The following PLD5 variants were observed in gnomAD, a reference collection of about 807,000 sequenced individuals.
PLD5 encodes inactive phospholipase D5.
In PLD5, 36 loss-of-function variants were observed where a neutral mutation model predicts 61.1. The ratio of observed to expected loss-of-function variants is 0.59; its 90% CI spans 0.45 to 0.78. The LOEUF is 0.78. PLD5 is among the 30% of genes least tolerant of loss of function. The pLI is 0.00. For missense variants in PLD5, 515 were observed against 644.4 expected, an observed-to-expected ratio of 0.80 and a Z score of 2.17; for synonymous variants, 243 against 242.8, an observed-to-expected ratio of 1.00 and a Z score of -0.01.
At chr1:242,372,032 C>A (rs2149247073) in intron 1 of PLD5, among the ~76,000 whole-genome samples, 1 of 152,196 alleles carries the variant, frequency 6.6e-6, no homozygotes, top group African/African-American at 2.4e-5. Context: ...CCCCACACCC[C>A]CGCCCTGACA....
chr1:242,174,801 A>G (rs1282352801), intron 5 of PLD5, among the ~76,000 whole-genome samples: 16 of 152,038 alleles, frequency 1.1e-4, no homozygotes, highest in Non-Finnish European at 5.9e-5. Flanking sequence ...TCACAAGGAC[A>G]AAAAACCAAA....
intron 1 of PLD5, among the ~76,000 whole-genome samples, chr1:242,352,528 T>G (rs1469250558): frequency 6.6e-6 from 1 of 152,220 alleles, no homozygotes; most frequent in East Asian, 1.9e-4. Flanking sequence ...GCAGACATCT[T>G]TTCAACATAC....
chr1:242,524,977 G>C (rs1203128840), upstream of PLD5, among the ~76,000 whole-genome samples: 2 of 152,102 alleles, frequency 1.3e-5, no homozygotes, highest in Non-Finnish European at 2.9e-5. Context: ...CTGGCTGAGC[G>C]CGGGGATGGC....
chr1:242,497,729 A>T (rs2102986255), intron 1 of PLD5, among the ~76,000 whole-genome samples: 1 of 152,358 alleles, frequency 6.6e-6, no homozygotes, highest in South Asian at 2.1e-4. Flanking sequence ...CTGCTCGACA[A>T]ATACAGCTCT....
At chr1:242,097,320 G>A (rs931311891) in intron 9 of PLD5, among the ~76,000 whole-genome samples, 7 of 152,142 alleles carry the variant, frequency 4.6e-5, no homozygotes, top group African/African-American at 7.2e-5. Context: ...TTGAGGAATC[G>A]CCACACTGAG....
At chr1:242,116,129 A>T (rs1356479086) in intron 6 of PLD5, among the ~76,000 whole-genome samples, 1 of 152,216 alleles carries the variant, frequency 6.6e-6, no homozygotes, top group Non-Finnish European at 1.5e-5. Context: ...CTGAATAAAC[A>T]GATTTTTGGA....
intron 1 of PLD5, among the ~76,000 whole-genome samples, chr1:242,459,571 C>T (rs373313509): frequency 0.029 from 4,427 of 152,218 alleles, 227 homozygotes; most frequent in African/African-American, 0.1. Context: ...AAGGGGGAGA[C>T]GTAGGGAGAC....
intron 1 of PLD5, among the ~76,000 whole-genome samples, chr1:242,502,316 C>T (rs1370109132): frequency 6.6e-6 from 1 of 152,190 alleles, no homozygotes; most frequent in East Asian, 1.9e-4. Context: ...CTGAGTGATC[C>T]AGCCTTAGTC....
At position 242,214,079 on chromosome 1, in the gene PLD5, G is replaced by A. The variant is rs1386020103; in HGVS notation, c.735+5909C>T. The stretch of plus-strand genomic sequence containing the variant: ...TCTCTGATTATACAGGACAAATAGC[G>A]CATGTCCTTCCTGCTGATAAACTCC... On this transcript the variant is annotated intron_variant, in intron 5 of 9. Transcript: ENST00000536534. Among the ~76,000 whole-genome samples, 5 of 152,080 alleles carry A rather than the reference G, an allele frequency of 3.3e-5. No individual in the cohort carries two copies. The South Asian group carries it at 6.2e-4, about 19-fold the overall frequency.
At chr1:242,409,757 C>T (rs1664443160) in intron 1 of PLD5, among the ~76,000 whole-genome samples, 1 of 152,130 alleles carries the variant, frequency 6.6e-6, no homozygotes, top group South Asian at 2.1e-4. Context: ...GAAAAAATTG[C>T]CCCTCCCAAC....
At chr1:242,164,166 A>AG (rs1666122579) in intron 5 of PLD5, among the ~76,000 whole-genome samples, 1 of 111,692 alleles carries the variant, frequency 9.0e-6, no homozygotes, top group Non-Finnish European at 1.8e-5. Context: ...ATCTGAATGC[A>AG]GAAAAAAAAA....
Position 242,485,566 on chromosome 1 carries a change from G to C in PLD5, c.189+38522C>G, listed in dbSNP as rs541695539. Among the ~76,000 whole-genome samples the C allele has an allele frequency of 2.6e-5, 4 of 152,208 alleles. No individual in the cohort carries two copies. The South Asian group carries it at 8.3e-4, about 32-fold the overall frequency. The stretch of plus-strand genomic sequence containing the variant: ...ACCACTGAACAATGAAATAAAAGAG[G>C]ATACAAACAAATGGAAGAACATTCC... On this transcript the variant is annotated intron_variant, in intron 1 of 9. Transcript: ENST00000536534.
At chr1:242,107,924 T>A (rs1465644118) in intron 7 of PLD5, 85 bp from the exon 8 acceptor site, 4 of 1,263,882 alleles carry the variant, frequency 3.2e-6, no homozygotes, top group Non-Finnish European at 4.4e-6. Flanking sequence ...ACATTGATAT[T>A]ACTCAGATCA....
At chr1:242,449,449 CA>C in intron 1 of PLD5, 1 of 1,535,092 alleles carries the variant, frequency 6.5e-7, no homozygotes, top group South Asian at 1.2e-5. Context: ...CCTTCAGAGG[CA>C]GAGAATGTTT....
At chr1:242,174,472 A>C (rs939820688) in intron 5 of PLD5, among the ~76,000 whole-genome samples, 30 of 152,012 alleles carry the variant, frequency 2.0e-4, no homozygotes, top group Non-Finnish European at 1.9e-4. Flanking sequence ...TAGTTCAACC[A>C]TTGTGGAAGT....
At chr1:242,194,669 C>CTATCTATCTAT (rs1558329066) in intron 5 of PLD5, among the ~76,000 whole-genome samples, 30 of 91,486 alleles carry the variant, frequency 3.3e-4, no homozygotes, top group African/African-American at 1.0e-3. Context: ...TATCTATCTA[C>CTATCTATCTAT]CTATCTATGA....
At chr1:242,487,337 AC>A (rs1458722702) in intron 1 of PLD5, among the ~76,000 whole-genome samples, 1 of 152,216 alleles carries the variant, frequency 6.6e-6, no homozygotes, top group East Asian at 1.9e-4. Flanking sequence ...CTACCAAAAA[AC>A]AAATATAAAG....
At chr1:242,234,915 G>C (rs748226764) in intron 4 of PLD5, among the ~76,000 whole-genome samples, 1 of 151,538 alleles carries the variant, frequency 6.6e-6, no homozygotes, top group Non-Finnish European at 1.5e-5. Flanking sequence ...CCTGACATCC[G>C]ACTTCCTAGT....
At chr1:242,458,372 C>T (rs1667008265) in intron 1 of PLD5, among the ~76,000 whole-genome samples, 1 of 152,238 alleles carries the variant, frequency 6.6e-6, no homozygotes, top group Admixed American at 6.5e-5. Context: ...CCAACATTTT[C>T]TCTATAATAT....
Sources: gnomAD v4.1 joint callset for allele counts (sites outside exome capture counted in the v4.1 genomes callset) on GRCh38, gnomAD v4.1.1 for gene constraint, MANE v1.5 for transcripts, NCBI Gene and HGNC (gene_info 2026-07-23, HGNC 2026-07-21) for gene names.